Variants in ZNF2 observed in about 807,000 individuals in gnomAD.
ZNF2 encodes zinc finger protein 2, also known as zinc finger protein 2.2.
In ZNF2, 12 loss-of-function variants were observed where a neutral mutation model predicts 21.9. That is an observed-to-expected ratio of 0.55 (90% CI 0.35 to 0.89). The LOEUF (loss-of-function observed/expected upper bound fraction) is 0.89, where lower values mean the gene tolerates loss of function less well. ZNF2 is among the 40% of genes least tolerant of loss of function. ZNF2 has a pLI of 0.01. For missense variants in ZNF2, 462 were observed against 544.2 expected, an observed-to-expected ratio of 0.85 and a Z score of 1.50; for synonymous variants, 186 against 196.3, an observed-to-expected ratio of 0.95 and a Z score of 0.44.
rs1026728717 is a variant in ZNF2, at chr2:95,165,812, G to C, written c.-88G>C. ...CTGTGCGCAGGCGCGTTGGTTTCCC[G>C]ACCTGAAGAGGCGCCGTCTTCCCGG... On this transcript the variant is annotated 5_prime_UTR_variant, in exon 1 of 5. Transcript: ENST00000614034. The C allele has an allele frequency of 6.6e-6, 1 of 152,360 alleles. No homozygotes were observed. Among genetic ancestry groups the C allele is most frequent in the Non-Finnish European group, 1.5e-5 (1 of 68,124 alleles). 9.4% of individuals were successfully genotyped at this position (152,360 alleles called of 1,614,324 possible). A position where few individuals can be genotyped will look rare whatever the true frequency, so the allele number is the denominator to read the frequency against.
rs376640077 is a variant in ZNF2 at position 95,181,783 on chromosome 2, G to A, written c.955G>A (p.Gly319Arg). 7.2e-5 allele frequency: 117 copies of A among 1,614,210 alleles called. No homozygotes were observed. The highest frequency in any genetic ancestry group is 4.0e-4 in the Admixed American group (24 of 60,026). ...GAAGCCTTATGAGTGTAACGAGTGC[G>A]GGAAAGCTTTCTATGGTGTCTCGTC... ...GRKPYECNEC[G>R]KAFYGVSSLN... Residue 319 changes from glycine (G) to arginine (R), a missense_variant, in exon 5 of 5, where the codon GGG (glycine) becomes AGG (arginine). Coordinates refer to ENST00000614034, the MANE Select transcript of ZNF2 (RefSeq NM_021088.4).
At chr2:95,167,573 T>G (rs1488226808) in intron 1 of ZNF2, among the ~76,000 whole-genome samples, 3 of 147,934 alleles carry the variant, frequency 2.0e-5, no homozygotes, top group African/African-American at 7.5e-5. Flanking sequence ...GTAGGCCAGG[T>G]GCGGTAGCTC....
chr2:95,167,505 CAAAAA>C (rs756206050), intron 1 of ZNF2, among the ~76,000 whole-genome samples: 1 of 44,950 alleles, frequency 2.2e-5, no homozygotes, highest in Admixed American at 2.1e-4. Flanking sequence ...GACTCAGTCT[CAAAAA>C]AAAAAAAAAA....
In ZNF2 at chr2:95,181,305, G is replaced by A. The variant is rs1401444786; in HGVS notation, c.477G>A (p.Arg159=). ...CCCGGGACAAAGGCTTGCGGCGACGGTCAGCCCTGTCCAGGGAAATTCTCA... is the reference window on the plus strand; with the variant it reads ...CCCGGGACAAAGGCTTGCGGCGACGATCAGCCCTGTCCAGGGAAATTCTCA... The part of the protein sequence containing the change: ...SLSRDKGLRR[R]SALSREILTK... The change falls in exon 5 of 5, where the codon CGG becomes CGA. Residue 159 remains arginine (R), a synonymous_variant. Transcript: ENST00000614034. 1.9e-6 allele frequency: 3 copies of A among 1,613,624 alleles called. No homozygotes were observed. The South Asian group carries it at 3.3e-5, about 18-fold the overall frequency.
chr2:95,176,098 C>G, intron 1 of ZNF2, 90 bp from the exon 2 acceptor site: 1 of 1,133,992 alleles, frequency 8.8e-7, no homozygotes, highest in South Asian at 1.2e-5. Flanking sequence ...GACATATCCC[C>G]CTGGTATGTG....
At chr2:95,174,091 T>G (rs1674365610) in intron 1 of ZNF2, among the ~76,000 whole-genome samples, 1 of 152,224 alleles carries the variant, frequency 6.6e-6, no homozygotes, top group African/African-American at 2.4e-5. Context: ...TTTAAGGTAT[T>G]TCAAATTTTT....
chr2:95,174,333 G>A (rs556980416), intron 1 of ZNF2, among the ~76,000 whole-genome samples: 3 of 152,334 alleles, frequency 2.0e-5, no homozygotes, highest in African/African-American at 7.2e-5. Context: ...AAGCACGGAT[G>A]TGATGACATG....
chr2:95,181,087 T>G lies in ZNF2; in HGVS notation c.275-16T>G. On this transcript the variant is annotated splice_polypyrimidine_tract_variant and intron_variant, in intron 4 of 4. Transcript: ENST00000614034. ...AGCCCAGGAAAAAAACTGCATCTGTTTTCTGTTTGTTCCAGACTGGGAAAC... is the reference window on the plus strand; with the variant it reads ...AGCCCAGGAAAAAAACTGCATCTGTGTTCTGTTTGTTCCAGACTGGGAAAC... The G allele has an allele frequency of 6.2e-7, 1 of 1,604,694 alleles. No homozygotes were observed. Among genetic ancestry groups the G allele is most frequent in the Admixed American group, 1.7e-5 (1 of 57,942 alleles).
chr2:95,171,062 A>G (rs1409594592), intron 1 of ZNF2, among the ~76,000 whole-genome samples: 1 of 152,210 alleles, frequency 6.6e-6, no homozygotes, highest in Admixed American at 6.5e-5. Flanking sequence ...CATATTTTAT[A>G]TTAACTTTTC....
intron 1 of ZNF2, among the ~76,000 whole-genome samples, chr2:95,174,547 T>G (rs1460575252): frequency 1.3e-5 from 2 of 152,182 alleles, no homozygotes; most frequent in East Asian, 3.8e-4. Context: ...TTTGAAAAAC[T>G]TGAGGTTTTT....
At chr2:95,176,344 G>A (rs1674444501) in intron 2 of ZNF2, 85 bp downstream of exon 2, 1 of 1,559,666 alleles carries the variant, frequency 6.4e-7, no homozygotes, top group Non-Finnish European at 8.8e-7. Flanking sequence ...GAGCCTCTTT[G>A]AGCAGACCCA....
chr2:95,178,389 C>T (rs1674520449), intron 3 of ZNF2, among the ~76,000 whole-genome samples: 1 of 152,186 alleles, frequency 6.6e-6, no homozygotes, highest in Admixed American at 6.5e-5. Flanking sequence ...CCCAGATTAA[C>T]TTAATCAGGC....
chr2:95,179,732 G>T (rs973432072), intron 3 of ZNF2, among the ~76,000 whole-genome samples: 1 of 152,136 alleles, frequency 6.6e-6, no homozygotes, highest in Non-Finnish European at 1.5e-5. Context: ...TGGCTTGTGC[G>T]TTCTGCCTTT....
chr2:95,180,012 A>G, intron 3 of ZNF2, 147 bp from the exon 4 acceptor site: 1 of 568,530 alleles, frequency 1.8e-6, no homozygotes, highest in Non-Finnish European at 3.1e-6. Flanking sequence ...AGCCGAGATC[A>G]GGCCACAGCA....
intron 1 of ZNF2, among the ~76,000 whole-genome samples, chr2:95,172,546 T>G (rs1184871773): frequency 6.6e-6 from 1 of 152,194 alleles, no homozygotes; most frequent in East Asian, 1.9e-4. Flanking sequence ...TACATTTTAT[T>G]ATGTGTTTTT....
chr2:95,167,963 A>G (rs1239239632), intron 1 of ZNF2, among the ~76,000 whole-genome samples: 3 of 152,142 alleles, frequency 2.0e-5, no homozygotes, highest in Non-Finnish European at 4.4e-5. Flanking sequence ...TCAGTAGGTT[A>G]TTATTCTCCA....
At chr2:95,168,600 T>C (rs1407604169) in intron 1 of ZNF2, among the ~76,000 whole-genome samples, 2 of 152,204 alleles carry the variant, frequency 1.3e-5, no homozygotes, top group Non-Finnish European at 2.9e-5. Flanking sequence ...ACTTGGTACA[T>C]ATTCATCAAA....
At chr2:95,168,638 G>A (rs1674167680) in intron 1 of ZNF2, among the ~76,000 whole-genome samples, 1 of 152,146 alleles carries the variant, frequency 6.6e-6, no homozygotes, top group Admixed American at 6.5e-5. Flanking sequence ...GGATTGCATT[G>A]GGCAGTAGAA....
intron 1 of ZNF2, among the ~76,000 whole-genome samples, chr2:95,175,455 G>A (rs1674409772): frequency 6.6e-6 from 1 of 152,164 alleles, no homozygotes; most frequent in African/African-American, 2.4e-5. Flanking sequence ...GGTCTATTAT[G>A]ACCTTTTCTC....
Sources: gnomAD v4.1 joint callset for allele counts (sites outside exome capture counted in the v4.1 genomes callset) on GRCh38, gnomAD v4.1.1 for gene constraint, MANE v1.5 for transcripts, NCBI Gene and HGNC (gene_info 2026-07-23, HGNC 2026-07-21) for gene names.